The following PMFBP1 variants were observed in gnomAD, a reference collection of about 807,000 sequenced individuals.
The protein encoded by PMFBP1 is polyamine modulated factor 1 binding protein 1, also known as polyamine-modulated factor 1-binding protein 1.
Under a neutral mutation model 137.8 loss-of-function variants are expected in PMFBP1, and 131 were observed. The ratio of observed to expected loss-of-function variants is 0.95; its 90% CI spans 0.82 to 1.10. The LOEUF (loss-of-function observed/expected upper bound fraction) is 1.10. PMFBP1 is among the 50% of genes least tolerant of loss of function. The pLI is 0.00. For synonymous variants in PMFBP1, 490 were observed against 450.4 expected (o/e 1.09, Z -1.11); for missense variants, 1,199 against 1,175.4 (o/e 1.02, Z -0.29).
chr16:72,156,895 C>T (rs1387072556), intron 3 of PMFBP1, among the ~76,000 whole-genome samples: 1 of 151,786 alleles, frequency 6.6e-6, no homozygotes, highest in Non-Finnish European at 1.5e-5. Flanking sequence ...GTATATAAAA[C>T]AGACAAAATC....
At chr16:72,164,501 G>T in intron 3 of PMFBP1, 2 of 1,426,418 alleles carry the variant, frequency 1.4e-6, no homozygotes, top group Non-Finnish European at 9.4e-7. Context: ...AAATACAGGT[G>T]TGAAAGGCCA....
At chr16:72,203,504 T>G in the PMFBP1 span, among the ~76,000 whole-genome samples, 1 of 152,342 alleles carries the variant, frequency 6.6e-6, no homozygotes, top group African/African-American at 2.4e-5. Flanking sequence ...GTTCTGCCAG[T>G]CAGACGTGCC....
At chr16:72,189,568 A>T in the PMFBP1 span, among the ~76,000 whole-genome samples, 1 of 152,234 alleles carries the variant, frequency 6.6e-6, no homozygotes, top group Non-Finnish European at 1.5e-5. Context: ...AGGAGAAGGA[A>T]GATAAATTAC....
chr16:72,216,096 C>T, the PMFBP1 span, among the ~76,000 whole-genome samples: 1 of 152,140 alleles, frequency 6.6e-6, no homozygotes, highest in Non-Finnish European at 1.5e-5. Flanking sequence ...CCAGGCCCGG[C>T]CCCTAAAGTA....
the PMFBP1 span, among the ~76,000 whole-genome samples, chr16:72,227,646 C>T: frequency 1.3e-4 from 20 of 152,224 alleles, no homozygotes; most frequent in South Asian, 1.7e-3. Flanking sequence ...TATCATTGCT[C>T]AGGAGGCAGA....
chr16:72,190,366 A>G, the PMFBP1 span, among the ~76,000 whole-genome samples: 1 of 152,210 alleles, frequency 6.6e-6, no homozygotes, highest in East Asian at 1.9e-4. Context: ...GCTAGAGGCA[A>G]GATGGATTCA....
chr16:72,157,597 A>T (rs2043002204), intron 3 of PMFBP1, among the ~76,000 whole-genome samples: 1 of 152,022 alleles, frequency 6.6e-6, no homozygotes, highest in South Asian at 2.1e-4. Context: ...TAGGAAAAGG[A>T]GGTGAGGTCT....
At chr16:72,168,174 G>A (rs974605866) in intron 2 of PMFBP1, among the ~76,000 whole-genome samples, 1 of 152,262 alleles carries the variant, frequency 6.6e-6, no homozygotes, top group South Asian at 2.1e-4. Context: ...TGTTTTGATG[G>A]ATGTCAAGTG....
chr16:72,140,426 A>G lies in PMFBP1; in HGVS notation c.793T>C (p.Cys265Arg). Residue 265 changes from cysteine to arginine, a missense_variant, in exon 6 of 21, where the codon TGC becomes CGC. Physicochemically the swap from Cys to Arg is radical, Grantham distance 180. Transcript: ENST00000237353. ...AAGGCACTTACCAAAGCGTTACTGC[A>G]GGCCAGCTTATTTCGAAGTTCTTGA... The part of the protein sequence containing the change: ...LIQELRNKLA[C>R]SNALVLEREK... 1 of 1,613,934 alleles carries G rather than the reference A, an allele frequency of 6.2e-7. No individual in the cohort carries two copies. Among genetic ancestry groups the G allele is most frequent in the Non-Finnish European group, 8.5e-7 (1 of 1,179,786 alleles).
At chr16:72,211,988 C>A in the PMFBP1 span, among the ~76,000 whole-genome samples, 3 of 151,594 alleles carry the variant, frequency 2.0e-5, no homozygotes, top group South Asian at 2.1e-4. Context: ...GATAGTGAGA[C>A]CTTGTATCAA....
intron 3 of PMFBP1, 167 bp downstream of exon 3, chr16:72,164,597 G>T: frequency 1.7e-6 from 2 of 1,198,158 alleles, no homozygotes; most frequent in Non-Finnish European, 2.4e-6. Flanking sequence ...TTTTCCATGT[G>T]TATGTGCGTT....
At chr16:72,245,943 G>A in the PMFBP1 span, among the ~76,000 whole-genome samples, 2 of 152,162 alleles carry the variant, frequency 1.3e-5, no homozygotes, top group South Asian at 2.1e-4. Flanking sequence ...GATCAAAACT[G>A]CTTCTCGGGA....
chr16:72,154,470 G>C lies in PMFBP1; in HGVS notation c.166-11C>G, dbSNP rs1184708245. On this transcript the variant is annotated splice_polypyrimidine_tract_variant and intron_variant, in intron 3 of 20. Transcript: ENST00000237353. ...TGCTTGCTTCTTGTCCTACCATAGA[G>C]ACAGGATATACAAAAAAGGCTTTAG... 3.7e-6 allele frequency: 6 copies of C among 1,611,476 alleles called. No individual in the cohort carries two copies. Among genetic ancestry groups the C allele is most frequent in the Non-Finnish European group, 5.1e-6 (6 of 1,178,150 alleles).
the PMFBP1 span, among the ~76,000 whole-genome samples, chr16:72,247,167 C>A: frequency 6.6e-6 from 1 of 152,152 alleles, no homozygotes; most frequent in Non-Finnish European, 1.5e-5. Context: ...AGGTAAAGAA[C>A]ACAGAGACTT....
chr16:72,219,776 C>T, the PMFBP1 span, among the ~76,000 whole-genome samples: 6 of 152,148 alleles, frequency 3.9e-5, no homozygotes, highest in South Asian at 1.2e-3. Flanking sequence ...CAGAGGAAAG[C>T]AGGGAAGTCA....
intron 4 of PMFBP1, among the ~76,000 whole-genome samples, chr16:72,153,929 C>T (rs1016043105): frequency 1.5e-4 from 21 of 141,022 alleles, no homozygotes; most frequent in African/African-American, 5.8e-4. Flanking sequence ...TATACACACA[C>T]ACACACACAC....
At chr16:72,178,205 G>C (rs564884435), upstream of PMFBP1, among the ~76,000 whole-genome samples, 18 of 152,284 alleles carry the variant, frequency 1.2e-4, no homozygotes, top group South Asian at 2.3e-3. Flanking sequence ...TTTTGGGCAA[G>C]TGTGTCATAC....
At chr16:72,203,484 T>A in the PMFBP1 span, among the ~76,000 whole-genome samples, 1 of 152,356 alleles carries the variant, frequency 6.6e-6, no homozygotes, top group East Asian at 1.9e-4. Context: ...GGTCTCTGGA[T>A]GTGATTTAAG....
intron 5 of PMFBP1, among the ~76,000 whole-genome samples, chr16:72,144,506 C>T (rs977676436): frequency 6.6e-6 from 1 of 152,038 alleles, no homozygotes; most frequent in African/African-American, 2.4e-5. Context: ...GGTACCTGAA[C>T]CAGTGTGGAA....
Sources: gnomAD v4.1 joint callset for allele counts (sites outside exome capture counted in the v4.1 genomes callset) on GRCh38, gnomAD v4.1.1 for gene constraint, MANE v1.5 for transcripts, NCBI Gene and HGNC (gene_info 2026-07-23, HGNC 2026-07-21) for gene names.